BRD7: variants seen among roughly 807,000 people sequenced by gnomAD.
The protein encoded by BRD7 is bromodomain containing 7.
A neutral mutation model predicts 82.1 loss-of-function variants in BRD7; 15 were observed. The ratio of observed to expected loss-of-function variants is 0.18; its 90% CI spans 0.12 to 0.28. The LOEUF (loss-of-function observed/expected upper bound fraction) is 0.28. Among genes scored for constraint, BRD7 ranks in the 10% least tolerant of loss-of-function variants. The pLI, the probability that BRD7 is intolerant of heterozygous loss-of-function variation, is 1.00. For synonymous variants in BRD7, 232 were observed against 266.9 expected (o/e 0.87, Z 1.27); for missense variants, 638 against 779.9 (o/e 0.82, Z 2.17).
At chr16:50,358,633 A>G (rs1004159535) in intron 2 of BRD7, among the ~76,000 whole-genome samples, 2 of 152,196 alleles carry the variant, frequency 1.3e-5, no homozygotes, top group Non-Finnish European at 2.9e-5. Context: ...TACAGAGTTG[A>G]TAAGATGGTC....
In BRD7 at chr16:50,316,809, G is replaced by C. The variant is rs1009006264; in HGVS notation, c.*2402C>G. On this transcript the variant is annotated 3_prime_UTR_variant, in exon 17 of 17. Transcript: ENST00000394688. ...TTTTTCTGAATGGACTTCATAACCG[G>C]AAGACTTAACCGGTGGCCTCATCAC... 2.0e-5 allele frequency: 3 copies of C among 152,326 alleles called. No homozygotes were observed. Among genetic ancestry groups the C allele is most frequent in the African/African-American group, 4.8e-5 (2 of 41,442 alleles). 9.4% of individuals were successfully genotyped at this position (152,326 alleles called of 1,614,324 possible). A position where few individuals can be genotyped will look rare whatever the true frequency, so the allele number is the denominator to read the frequency against.
rs150939579 is a variant in BRD7 at position 50,333,806 on chromosome 16, A to G, written c.888-109T>C. 6.1e-4 allele frequency: 582 copies of G among 950,558 alleles called. 5 individuals are homozygous for G. In the East Asian group the frequency reaches 0.015, roughly 25 times the overall value. 58.9% of individuals were successfully genotyped at this position (950,558 alleles called of 1,614,324 possible). ...CAACTAAAGTGGAGACATTTGTACT[A>G]CAGTCACTCATTGAAACTTACTTCC... is the stretch of plus-strand genomic sequence containing the variant. On this transcript the variant is annotated intron_variant, in intron 7 of 16. Transcript: ENST00000394688.
chr16:50,362,400 T>A (rs1395980202), intron 2 of BRD7, among the ~76,000 whole-genome samples: 2 of 152,204 alleles, frequency 1.3e-5, no homozygotes, highest in Non-Finnish European at 2.9e-5. Context: ...CTCAATTTTC[T>A]CATTAATAAA....
rs536691330 is a variant in BRD7 at position 50,360,488 on chromosome 16, G to A, written c.259-5566C>T. On this transcript the variant is annotated intron_variant, in intron 2 of 16. Transcript: ENST00000394688. ...CATTTTTGGCCCTAGGCTGAAAACA[G>A]CATTTGCTACACACGTTAGCCATTA... Among the ~76,000 whole-genome samples, 14 of 152,298 alleles carry A rather than the reference G, an allele frequency of 9.2e-5. 2 individuals are homozygous for A. In the South Asian group the frequency reaches 2.5e-3, roughly 27 times the overall value.
rs890698797 is a variant in BRD7, at chr16:50,316,999, T to C, written c.*2212A>G. On this transcript the variant is annotated 3_prime_UTR_variant, in exon 17 of 17. Coordinates refer to ENST00000394688, the MANE Select transcript of BRD7 (RefSeq NM_013263.5). ...CAGATTGGGTGACTGACCAGACTTG[T>C]TGGGGTCCTGGGATGAGTTGCCCCG... 6.5e-6 allele frequency: 1 copy of C among 152,770 alleles called. No homozygotes were observed. The highest frequency in any genetic ancestry group is 1.5e-5 in the Non-Finnish European group (1 of 68,050). 9.5% of individuals were successfully genotyped at this position (152,770 alleles called of 1,614,324 possible).
At chr16:50,349,800 G>A (rs540529364) in intron 5 of BRD7, among the ~76,000 whole-genome samples, 132 of 152,148 alleles carry the variant, frequency 8.7e-4, no homozygotes, top group African/African-American at 2.7e-3. Flanking sequence ...TCAAAATTTC[G>A]CTAAAGACAA....
chr16:50,348,103 A>C (rs1300941423), intron 5 of BRD7, among the ~76,000 whole-genome samples: 1 of 152,220 alleles, frequency 6.6e-6, no homozygotes, highest in East Asian at 1.9e-4. Context: ...CAGAAATAAT[A>C]ACACACATCT....
rs1435252409 is a variant in BRD7, at chr16:50,317,360, T to G, written c.*1851A>C. The G allele has an allele frequency of 1.3e-5, 2 of 150,380 alleles. No homozygotes were observed. The highest frequency in any genetic ancestry group is 2.9e-5 in the Non-Finnish European group (2 of 68,046). 9.3% of individuals were successfully genotyped at this position (150,380 alleles called of 1,614,324 possible). A position where few individuals can be genotyped will look rare whatever the true frequency, so the allele number is the denominator to read the frequency against. ...GAATACTATACTGAAATCTGTGCTCTCAAGATCTAGCAGTGACCAGGGCTG... is the reference window on the plus strand; with the variant it reads ...GAATACTATACTGAAATCTGTGCTCGCAAGATCTAGCAGTGACCAGGGCTG... On this transcript the variant is annotated 3_prime_UTR_variant, in exon 17 of 17. Coordinates refer to ENST00000394688, the MANE Select transcript of BRD7 (RefSeq NM_013263.5).
chr16:50,360,247 T>C (rs146798277), intron 2 of BRD7, among the ~76,000 whole-genome samples: 80 of 152,318 alleles, frequency 5.3e-4, no homozygotes, highest in African/African-American at 1.8e-3. Context: ...TAATTAATCA[T>C]AGGAGACAGC....
chr16:50,365,659 G>C (rs1320987493), intron 2 of BRD7, among the ~76,000 whole-genome samples: 1 of 151,990 alleles, frequency 6.6e-6, no homozygotes, highest in Non-Finnish European at 1.5e-5. Context: ...AATTCAAAAA[G>C]GACAGTTAGA....
chr16:50,341,013 C>A (rs1407908645), intron 5 of BRD7, among the ~76,000 whole-genome samples: 1 of 152,122 alleles, frequency 6.6e-6, no homozygotes, highest in Admixed American at 6.5e-5. Flanking sequence ...AATAAGTAGA[C>A]TGAGTTCTAT....
chr16:50,338,283 T>C (rs569922789), intron 6 of BRD7, among the ~76,000 whole-genome samples: 6 of 152,352 alleles, frequency 3.9e-5, no homozygotes, highest in African/African-American at 1.4e-4. Context: ...GGTAACTGGC[T>C]TCCATTAGTT....
intron 2 of BRD7, among the ~76,000 whole-genome samples, 183 bp downstream of exon 2, chr16:50,367,907 T>C (rs1221048085): frequency 6.6e-6 from 1 of 152,166 alleles, no homozygotes; most frequent in African/African-American, 2.4e-5. Context: ...CCTAAGAGTA[T>C]AATCCAAAAA....
chr16:50,349,648 TAATAC>T (rs773107661), intron 5 of BRD7: 3 of 470,120 alleles, frequency 6.4e-6, no homozygotes, highest in South Asian at 4.7e-5. Flanking sequence ...AAGAATGGAT[TAATAC>T]AATATGCATA....
chr16:50,368,588 G>T, intron 1 of BRD7, 138 bp downstream of exon 1: 2 of 931,794 alleles, frequency 2.1e-6, no homozygotes, highest in Non-Finnish European at 3.0e-6. Flanking sequence ...GCGGCCTCCG[G>T]CAGGACGCGC....
chr16:50,317,521 C>T lies in BRD7; in HGVS notation c.*1690G>A, dbSNP rs1457440854. On this transcript the variant is annotated 3_prime_UTR_variant, in exon 17 of 17. Coordinates refer to ENST00000394688, the MANE Select transcript of BRD7 (RefSeq NM_013263.5). ...TATTTGTTTTTTTCTTCAGTAACAA[C>T]AGAAACCCCAGTTGGGAGTTTAACA... 6.6e-6 allele frequency: 1 copy of T among 152,332 alleles called. No homozygotes were observed. The highest frequency in any genetic ancestry group is 2.4e-5 in the African/African-American group (1 of 41,442). 9.4% of individuals were successfully genotyped at this position (152,332 alleles called of 1,614,324 possible).
intron 4 of BRD7, among the ~76,000 whole-genome samples, chr16:50,351,087 A>G (rs1371108182): frequency 1.3e-5 from 2 of 152,216 alleles, no homozygotes; most frequent in African/African-American, 2.4e-5. Context: ...ACTCCACAGA[A>G]TAACAGTAAA....
intron 2 of BRD7, chr16:50,361,939 G>A (rs2038951095): frequency 6.6e-6 from 1 of 152,040 alleles, no homozygotes; most frequent in Non-Finnish European, 1.5e-5. Context: ...TCATCTAAAG[G>A]CAGCACATAA....
At chr16:50,333,516 A>C (rs563608448) in intron 8 of BRD7, 58 bp downstream of exon 8, 2 of 1,584,626 alleles carry the variant, frequency 1.3e-6, no homozygotes, top group Admixed American at 3.8e-5. Context: ...TTAAAAACTA[A>C]AAGTTTCAGA....
Sources: allele counts gnomAD v4.1 joint callset (sites outside exome capture counted in the v4.1 genomes callset), GRCh38; gene constraint gnomAD v4.1.1; transcripts MANE v1.5; gene names NCBI Gene and HGNC (gene_info 2026-07-23, HGNC 2026-07-21).